The following ANAPC10 variants were observed in gnomAD, a reference collection of about 807,000 sequenced individuals.
The protein encoded by ANAPC10 is anaphase-promoting complex subunit 10.
ANAPC10 carries 12 observed loss-of-function variants against 22.0 expected under a neutral mutation model. The observed-to-expected ratio is 0.55, with a 90% CI of 0.35 to 0.88. The LOEUF (loss-of-function observed/expected upper bound fraction) is 0.88, where lower values mean the gene tolerates loss of function less well. Among genes scored for constraint, ANAPC10 ranks in the 40% least tolerant of loss-of-function variants. ANAPC10 has a pLI of 0.01. For synonymous variants in ANAPC10, 65 were observed against 69.5 expected (o/e 0.94, Z 0.32); for missense variants, 188 against 220.9 (o/e 0.85, Z 0.94).
intron 3 of ANAPC10, among the ~76,000 whole-genome samples, chr4:145,068,350 A>G (rs1744008128): frequency 6.6e-6 from 1 of 152,224 alleles, no homozygotes; most frequent in African/African-American, 2.4e-5. Context: ...ATCCAGGTCT[A>G]TGTGACTACA....
chr4:145,062,592 G>GTT (rs1449770118), intron 4 of ANAPC10, among the ~76,000 whole-genome samples: 2 of 151,858 alleles, frequency 1.3e-5, no homozygotes, highest in Admixed American at 1.3e-4. Context: ...GGGTGACAGA[G>GTT]TAAGACTCCG....
chr4:145,075,990 C>G (rs1329345932), intron 3 of ANAPC10, among the ~76,000 whole-genome samples: 2 of 152,156 alleles, frequency 1.3e-5, no homozygotes, highest in African/African-American at 4.8e-5. Context: ...ACTTTGTCTG[C>G]CAGTCTCTCC....
chr4:145,001,356 C>T (rs1027713392), intron 4 of ANAPC10, among the ~76,000 whole-genome samples: 1 of 152,024 alleles, frequency 6.6e-6, no homozygotes, highest in Non-Finnish European at 1.5e-5. Context: ...GTGAAATACA[C>T]CAGCCACAAA....
In ANAPC10 at chr4:145,021,010, A is replaced by G. The variant is rs757731349; in HGVS notation, c.328-25407T>C. Among the ~76,000 whole-genome samples, 30 of 152,086 alleles carry G rather than the reference A, an allele frequency of 2.0e-4. 1 individual carries two copies. Among genetic ancestry groups the G allele is most frequent in the Non-Finnish European group, 1.3e-4 (9 of 67,964 alleles). The stretch of plus-strand genomic sequence containing the variant: ...GAATGGTAGAATCAAAATTGTGAAA[A>G]TGACCATACCACCAAAAGCAACCTA... On this transcript the variant is annotated intron_variant, in intron 4 of 4. Coordinates refer to ENST00000507656, the MANE Select transcript of ANAPC10 (RefSeq NM_001256706.2).
chr4:145,007,612 A>C (rs944166612), intron 4 of ANAPC10, among the ~76,000 whole-genome samples: 6 of 152,202 alleles, frequency 3.9e-5, no homozygotes, highest in Admixed American at 3.9e-4. Flanking sequence ...AGAAATAAAG[A>C]TGTTTTTTGA....
intron 4 of ANAPC10, among the ~76,000 whole-genome samples, chr4:145,029,390 G>T (rs186424711): frequency 1.3e-5 from 2 of 152,224 alleles, no homozygotes; most frequent in African/African-American, 4.8e-5. Context: ...CCTATAATTA[G>T]ACTAAAGTCC....
At chr4:145,036,995 CGTGTGTGT>C (rs202100756) in intron 4 of ANAPC10, among the ~76,000 whole-genome samples, 29,576 of 131,134 alleles carry the variant, frequency 0.23, 3,652 homozygotes, top group Non-Finnish European at 0.32. Flanking sequence ...AAATAGATAA[CGTGTGTGT>C]GTGTGTGTGT....
intron 4 of ANAPC10, among the ~76,000 whole-genome samples, chr4:145,018,190 T>G (rs1735481599): frequency 6.6e-6 from 1 of 150,770 alleles, no homozygotes; most frequent in Non-Finnish European, 1.5e-5. Context: ...AAATAGAATT[T>G]AAAAAGCAAA....
chr4:145,071,407 A>AAAAT (rs1413118219), intron 3 of ANAPC10, among the ~76,000 whole-genome samples: 2 of 152,208 alleles, frequency 1.3e-5, no homozygotes, highest in Non-Finnish European at 2.9e-5. Context: ...ACTCCGTCTC[A>AAAAT]AAATAAATAA....
intron 4 of ANAPC10, among the ~76,000 whole-genome samples, chr4:145,003,679 T>C (rs1444256916): frequency 6.6e-6 from 1 of 152,222 alleles, no homozygotes; most frequent in Non-Finnish European, 1.5e-5. Context: ...CTGGGCTCTC[T>C]ATTCTGTTCC....
At chr4:145,047,967 C>T (rs946332996) in intron 4 of ANAPC10, among the ~76,000 whole-genome samples, 9 of 152,066 alleles carry the variant, frequency 5.9e-5, no homozygotes, top group Non-Finnish European at 8.8e-5. Context: ...AACCTCTGGG[C>T]TATGATAAGA....
intron 4 of ANAPC10, among the ~76,000 whole-genome samples, chr4:145,042,890 A>G (rs552581833): frequency 6.6e-6 from 1 of 152,202 alleles, no homozygotes; most frequent in South Asian, 2.1e-4. Flanking sequence ...GTACATCTTT[A>G]AAATAACAGG....
In ANAPC10 at chr4:145,096,074, G is replaced by A; in HGVS notation, c.26C>T (p.Pro9Leu). Reference protein sequence around the residue: MTTPNKTPPGADPKQLERT... With the variant: MTTPNKTPLGADPKQLERT... ...TTCCAACTGCTTGGGGTCAGCACCA[G>A]GAGGTGTCTTGTTTGGTGTAGTCAT... The change falls in exon 2 of 5, where the codon CCT becomes CTT. Residue 9 changes from proline to leucine, a missense_variant. Coordinates refer to ENST00000507656, the MANE Select transcript of ANAPC10 (RefSeq NM_001256706.2). The A allele has an allele frequency of 6.2e-7, 1 of 1,614,178 alleles. No individual in the cohort carries two copies. The highest frequency in any genetic ancestry group is 8.5e-7 in the Non-Finnish European group (1 of 1,180,014).
At chr4:145,048,061 A>G (rs1417583283) in intron 4 of ANAPC10, among the ~76,000 whole-genome samples, 1 of 152,176 alleles carries the variant, frequency 6.6e-6, no homozygotes, top group African/African-American at 2.4e-5. Flanking sequence ...TCACATGCTT[A>G]TATCAGAAAG....
At chr4:145,083,016 ATTCT>A (rs1410790125) in intron 2 of ANAPC10, among the ~76,000 whole-genome samples, 5 of 152,160 alleles carry the variant, frequency 3.3e-5, no homozygotes, top group Non-Finnish European at 5.9e-5. Flanking sequence ...TCATATATGT[ATTCT>A]TTCTATTCCC....
chr4:145,065,726 T>C (rs1743577811), intron 3 of ANAPC10, among the ~76,000 whole-genome samples: 1 of 151,984 alleles, frequency 6.6e-6, no homozygotes, highest in Non-Finnish European at 1.5e-5. Context: ...CATGTACATA[T>C]ATAGTTACAG....
At chr4:145,055,583 A>T (rs1741944480) in intron 4 of ANAPC10, among the ~76,000 whole-genome samples, 1 of 152,074 alleles carries the variant, frequency 6.6e-6, no homozygotes, top group Non-Finnish European at 1.5e-5. Context: ...AATTAAATAA[A>T]AAAAAAAGGA....
At chr4:145,001,206 A>AGGAAGGAGGGAGGGAGGGAG (rs1732498521) in intron 4 of ANAPC10, among the ~76,000 whole-genome samples, 1 of 125,902 alleles carries the variant, frequency 7.9e-6, no homozygotes, top group Non-Finnish European at 1.6e-5. Context: ...GAAAGAAAGA[A>AGGAAGGAGGGAGGGAGGGAG]GGAAGGAGGG....
chr4:145,038,258 A>G (rs1738916153), intron 4 of ANAPC10, among the ~76,000 whole-genome samples: 1 of 152,194 alleles, frequency 6.6e-6, no homozygotes, highest in Admixed American at 6.5e-5. Context: ...CATGTCTATA[A>G]TCCTCGCACT....
Sources: gnomAD v4.1 joint callset for allele counts (sites outside exome capture counted in the v4.1 genomes callset) on GRCh38, gnomAD v4.1.1 for gene constraint, MANE v1.5 for transcripts, NCBI Gene and HGNC (gene_info 2026-07-23, HGNC 2026-07-21) for gene names.